SACS: variants seen among roughly 807,000 people sequenced by gnomAD.
The protein encoded by SACS is sacsin.
In SACS, 197 loss-of-function variants were observed where a neutral mutation model predicts 348.0. The observed-to-expected ratio is 0.57, with a 90% CI of 0.50 to 0.64. The LOEUF (loss-of-function observed/expected upper bound fraction) is 0.64, where lower values mean the gene tolerates loss of function less well. SACS is among the 30% of genes least tolerant of loss of function. The pLI is 0.00. For synonymous variants in SACS, 1,985 were observed against 1,910.6 expected, an observed-to-expected ratio of 1.04 and a Z score of -1.02; for missense variants, 4,999 against 5,360.8, an observed-to-expected ratio of 0.93 and a Z score of 2.11.
Position 23,331,146 on chromosome 13 carries a change from T to TA in SACS, c.12729dup (p.Lys4244Ter). 6.2e-7 allele frequency: 1 copy of TA among 1,614,048 alleles called. No homozygotes were observed. The highest frequency in any genetic ancestry group is 1.1e-5 in the South Asian group (1 of 91,084). On this transcript the variant is annotated frameshift_variant, in exon 10 of 10. Transcript: ENST00000382292. LOFTEE classifies it high-confidence loss of function. ...GAGCTTTCCTCAGGTCTTGAAAACT[T>TA]ATACAGATCAAGAGAGCTAACTATT... is the stretch of plus-strand genomic sequence containing the variant.
intron 2 of SACS, among the ~76,000 whole-genome samples, chr13:23,392,564 A>G (rs973888005): frequency 2.0e-5 from 3 of 152,228 alleles, no homozygotes; most frequent in African/African-American, 7.2e-5. Context: ...ATTCTGTGTC[A>G]GATACTATGT....
Position 23,411,275 on chromosome 13 carries a change from A to T in SACS, c.-36T>A, listed in dbSNP as rs757339799. 1 of 1,590,644 alleles carries T rather than the reference A, an allele frequency of 6.3e-7. No individual in the cohort carries two copies. The highest frequency in any genetic ancestry group is 2.2e-5 in the East Asian group (1 of 44,706). ...CCTGGGATATTTGTTTGTGAAAACC[A>T]TGAAAGTACGCTTCTTTCTTCTGTT... On this transcript the variant is annotated 5_prime_UTR_variant, in exon 2 of 10. The change abolishes an upstream ATG in the 5' untranslated region. Coordinates refer to ENST00000382292, the MANE Select transcript of SACS (RefSeq NM_014363.6).
At position 23,335,734 on chromosome 13, in the gene SACS, C is replaced by G; in HGVS notation, c.8142G>C (p.Ser2714=). The change falls in exon 10 of 10, where the codon TCG becomes TCC. Residue 2714 remains serine, a synonymous_variant. Transcript: ENST00000382292. This position sits in a 1 kb window ranked among gnomAD's most constrained non-coding sequence, Gnocchi z 4.7. ...NAEMAKVSEI[S]SVPASDRMVQ... is the part of the protein sequence containing the mutation. ...CCATTCTGTCTGATGCTGGAACAGACGAAATTTCCGAAACTTTTGCCATTT... is the reference window on the plus strand; with the variant it reads ...CCATTCTGTCTGATGCTGGAACAGAGGAAATTTCCGAAACTTTTGCCATTT... 1.2e-6 allele frequency: 2 copies of G among 1,614,014 alleles called. No homozygotes were observed. Among genetic ancestry groups the G allele is most frequent in the Non-Finnish European group, 1.7e-6 (2 of 1,179,910 alleles).
chr13:23,387,463 GAAAAAAAA>G (rs60355580), intron 2 of SACS, among the ~76,000 whole-genome samples: 1 of 91,368 alleles, frequency 1.1e-5, no homozygotes, highest in African/African-American at 4.8e-5. Context: ...CTCCGTCTCA[GAAAAAAAA>G]AAAAAAAAAA....
At chr13:23,426,785 G>T (rs1390719717) in intron 1 of SACS, among the ~76,000 whole-genome samples, 1 of 152,176 alleles carries the variant, frequency 6.6e-6, no homozygotes, top group Non-Finnish European at 1.5e-5. Flanking sequence ...CTTTCCAACG[G>T]AGGCAAATCA....
intron 1 of SACS, among the ~76,000 whole-genome samples, chr13:23,418,727 A>G (rs1049049345): frequency 1.4e-4 from 21 of 152,084 alleles, no homozygotes; most frequent in Non-Finnish European, 2.6e-4. Flanking sequence ...GTGGTCTCAA[A>G]CTCCTGACCT....
Position 23,332,014 on chromosome 13 carries a change from G to C in SACS, c.11862C>G (p.Asp3954Glu). 6.2e-7 allele frequency: 1 copy of C among 1,613,988 alleles called. No individual in the cohort carries two copies. Among genetic ancestry groups the C allele is most frequent in the Non-Finnish European group, 8.5e-7 (1 of 1,179,930 alleles). Residue 3954 changes from aspartate to glutamate, a missense_variant, in exon 10 of 10, where the codon GAC becomes GAG. This residue lies in a region of SACS where 831 missense variants were observed against 941.8 expected (regional missense o/e 0.88). Coordinates refer to ENST00000382292, the MANE Select transcript of SACS (RefSeq NM_014363.6). ...VDLSQCYLGK[D>E]HGFHTKLIML... The stretch of plus-strand genomic sequence containing the variant: ...TTATCAACTTAGTGTGAAATCCATG[G>C]TCTTTCCCTAAGTAGCACTGGCTGA...
chr13:23,375,635 G>T (rs1026834165), intron 2 of SACS: 2 of 916,530 alleles, frequency 2.2e-6, no homozygotes, highest in African/African-American at 3.6e-5. Flanking sequence ...CGTTAGCTGG[G>T]GATCCGCCCC....
intron 2 of SACS, among the ~76,000 whole-genome samples, chr13:23,393,785 G>C (rs2137904834): frequency 6.6e-6 from 1 of 151,704 alleles, no homozygotes; most frequent in South Asian, 2.1e-4. Flanking sequence ...TTTTGAGACG[G>C]AGTCTCGCAC....
rs1555252086 is a variant in SACS, at chr13:23,338,276, ATG to A, written c.5598_5599del (p.Ile1867TrpfsTer29). 4 of 1,614,074 alleles carry A rather than the reference ATG, an allele frequency of 2.5e-6. No homozygotes were observed. Among genetic ancestry groups the A allele is most frequent in the Non-Finnish European group, 3.4e-6 (4 of 1,179,970 alleles). ...AGGTAAATAGCAAAACACCTCTCCA[ATG>A]TGTGGTTTCACTGTCCACTTCTGGT... On this transcript the variant is annotated frameshift_variant, in exon 10 of 10. Coordinates refer to ENST00000382292, the MANE Select transcript of SACS (RefSeq NM_014363.6). LOFTEE classifies it high-confidence loss of function.
chr13:23,351,799 T>C (rs1869976764), intron 9 of SACS, among the ~76,000 whole-genome samples: 1 of 151,912 alleles, frequency 6.6e-6, no homozygotes, highest in African/African-American at 2.4e-5. Context: ...ACATGATGTG[T>C]GATTAACAGA....
chr13:23,355,601 C>T lies in SACS; in HGVS notation c.1011G>A (p.Glu337=). The T allele has an allele frequency of 6.2e-7, 1 of 1,614,172 alleles. No homozygotes were observed. The highest frequency in any genetic ancestry group is 8.5e-7 in the Non-Finnish European group (1 of 1,180,022). ...EKLVFRVTSS[E]SKALKHERPN... ...GCCGCTCATGTTTCAGTGCCTTACT[C>T]TCACTCGAAGTCACTCTAAACACCA... Residue 337 remains glutamate, a synonymous_variant, in exon 8 of 10, where the codon GAG becomes GAA. Transcript: ENST00000382292.
At chr13:23,348,458 G>A (rs745351917) in intron 9 of SACS, among the ~76,000 whole-genome samples, 21 of 152,168 alleles carry the variant, frequency 1.4e-4, no homozygotes, top group Non-Finnish European at 2.9e-4. Flanking sequence ...AACTTATCCA[G>A]TCAAACTTGG....
chr13:23,408,212 C>A (rs13378762), intron 2 of SACS, among the ~76,000 whole-genome samples: 2,894 of 152,158 alleles, frequency 0.019, 76 homozygotes, highest in African/African-American at 0.066. Context: ...CATTTCCACT[C>A]GTCTGAATTA....
intron 5 of SACS, among the ~76,000 whole-genome samples, chr13:23,366,725 T>C (rs1871088676): frequency 6.6e-6 from 1 of 152,168 alleles, no homozygotes; most frequent in Non-Finnish European, 1.5e-5. Flanking sequence ...TCAAGTTGAA[T>C]AAAAAATAGG....
chr13:23,382,582 G>A (rs756941354), intron 2 of SACS, among the ~76,000 whole-genome samples: 7 of 151,836 alleles, frequency 4.6e-5, no homozygotes, highest in South Asian at 2.1e-4. Flanking sequence ...TTTTTTAATC[G>A]GGGAAGCAAA....
intron 9 of SACS, among the ~76,000 whole-genome samples, chr13:23,346,145 T>C (rs1836746653): frequency 6.6e-6 from 1 of 152,124 alleles, no homozygotes; most frequent in South Asian, 2.1e-4. Flanking sequence ...TTTTGTTTGT[T>C]TTTGTTTTTG....
In SACS at chr13:23,354,560, T is replaced by C; in HGVS notation, c.2052A>G (p.Ser684=). 1 of 1,614,180 alleles carries C rather than the reference T, an allele frequency of 6.2e-7. No homozygotes were observed. Among genetic ancestry groups the C allele is most frequent in the Non-Finnish European group, 8.5e-7 (1 of 1,180,010 alleles). The change falls in exon 8 of 10, where the codon TCA becomes TCG. Residue 684 remains serine (S), a synonymous_variant. Transcript: ENST00000382292. ...GNFVPFSSSV[S]DQDVIYITSA... The stretch of plus-strand genomic sequence containing the variant: ...AGGTAATATAAATGACATCTTGGTC[T>C]GATACAGATGAGGAGAAGGGGACAA...
Position 23,339,432 on chromosome 13 carries a change from G to T in SACS, c.4444C>A (p.Leu1482Ile). Residue 1482 changes from leucine (L) to isoleucine (I), a missense_variant, in exon 10 of 10, where the codon CTT becomes ATT. Physicochemically the swap from Leu to Ile is conservative, Grantham distance 5. Transcript: ENST00000382292. ...PSVSDIFKELLQNADDANATE... is the reference protein window; with the variant it reads ...PSVSDIFKELIQNADDANATE... ...GCATTTGCATCATCAGCGTTTTGAA[G>T]TAGTTCTTTAAAAATATCTGACACT... 6.2e-7 allele frequency: 1 copy of T among 1,605,746 alleles called. No individual in the cohort carries two copies.
Sources: gnomAD v4.1 joint callset for allele counts (sites outside exome capture counted in the v4.1 genomes callset) on GRCh38, gnomAD v4.1.1 for gene constraint, gnomAD v4.1.1 regional missense constraint, Gnocchi (gnomAD v3.1) non-coding constraint, MANE v1.5 for transcripts, NCBI Gene and HGNC (gene_info 2026-07-23, HGNC 2026-07-21) for gene names.